BCAP29: variants seen among roughly 807,000 people sequenced by gnomAD.
BCAP29 encodes B cell receptor associated protein 29, also known as B-cell receptor-associated protein 29.
BCAP29 carries 34 observed loss-of-function variants against 31.8 expected under a neutral mutation model. That is an observed-to-expected ratio of 1.07 (90% confidence interval 0.81 to 1.42). BCAP29 has a LOEUF of 1.42. Among genes scored for constraint, BCAP29 ranks in the 40% most tolerant of loss-of-function variants. BCAP29 has a pLI of 0.00. For missense variants in BCAP29, 314 were observed against 269.2 expected (o/e 1.17, Z -1.16); for synonymous variants, 104 against 91.3 (o/e 1.14, Z -0.79).
intron 3 of BCAP29, among the ~76,000 whole-genome samples, chr7:107,585,277 T>C (rs1807439552): frequency 6.6e-6 from 1 of 152,182 alleles, no homozygotes; most frequent in South Asian, 2.1e-4. Flanking sequence ...ATCTCTCAAA[T>C]AGAATCCTCT....
At position 107,613,607 on chromosome 7, in the gene BCAP29, G is replaced by A. The variant is rs1414884293; in HGVS notation, c.690+175G>A. The A allele has an allele frequency of 1.9e-6, 3 of 1,543,364 alleles. No individual in the cohort carries two copies. The African/African-American group carries it at 4.2e-5, about 22-fold the overall frequency. ...GAGGGTAAAGATTAGGACATTGCAG[G>A]AAAATACAAGATAATTTTAAGGAAT... On this transcript the variant is annotated intron_variant, in intron 7 of 7. Transcript: ENST00000005259.
At chr7:107,591,599 T>G (rs968744319) in intron 3 of BCAP29, among the ~76,000 whole-genome samples, 8 of 89,500 alleles carry the variant, frequency 8.9e-5, no homozygotes, top group Admixed American at 3.4e-4. Context: ...TCTCTCTTTC[T>G]CTCTCTGTCT....
At chr7:107,600,928 TAAGGA>T (rs1315117516) in intron 6 of BCAP29, among the ~76,000 whole-genome samples, 4 of 152,214 alleles carry the variant, frequency 2.6e-5, no homozygotes, top group Non-Finnish European at 2.9e-5. Flanking sequence ...CTGTTAGACA[TAAGGA>T]AAGCGTTCCT....
chr7:107,615,174 A>C, intron 7 of BCAP29: 1 of 456,356 alleles, frequency 2.2e-6, no homozygotes, highest in Non-Finnish European at 4.4e-6. Context: ...TTGTGGTAAC[A>C]GCCATTGGTT....
chr7:107,595,042 T>C (rs763099555), intron 4 of BCAP29, among the ~76,000 whole-genome samples: 4 of 152,176 alleles, frequency 2.6e-5, no homozygotes, highest in Non-Finnish European at 5.9e-5. Flanking sequence ...AGTTCTGTGG[T>C]GTACCTAACT....
intron 4 of BCAP29, among the ~76,000 whole-genome samples, chr7:107,594,485 G>A (rs893851198): frequency 1.6e-4 from 20 of 128,088 alleles, no homozygotes; most frequent in Non-Finnish European, 2.5e-4. Context: ...CCAGCCTACT[G>A]TAGTTTTGTT....
At chr7:107,600,664 A>G (rs1356671221) in intron 6 of BCAP29, among the ~76,000 whole-genome samples, 159 bp downstream of exon 6, 1 of 152,234 alleles carries the variant, frequency 6.6e-6, no homozygotes, top group African/African-American at 2.4e-5. Flanking sequence ...AAGATAAAAC[A>G]TTATGTCAGC....
chr7:107,612,421 ATATATATATATATATATATT>A (rs1416896347), intron 6 of BCAP29, among the ~76,000 whole-genome samples: 1 of 40,258 alleles, frequency 2.5e-5, no homozygotes, highest in African/African-American at 5.7e-5. Flanking sequence ...ATATATATAT[ATATATATATATATATATATT>A]TATTTTACTT....
At chr7:107,580,633 C>G in intron 1 of BCAP29, 126 bp from the exon 2 acceptor site, 2 of 645,722 alleles carry the variant, frequency 3.1e-6, no homozygotes. Flanking sequence ...GGGGTCCGTG[C>G]TTGCCTTCCC....
rs568356927 is a variant in BCAP29 at position 107,581,933 on chromosome 7, A to T, written c.92+1069A>T. Among the ~76,000 whole-genome samples, 7 of 152,334 alleles carry T rather than the reference A, an allele frequency of 4.6e-5. No individual in the cohort carries two copies. In the South Asian group the frequency reaches 6.2e-4, roughly 14 times the overall value. ...TTCTATATATCACGTACTGAGACCC[A>T]GGAGGGCAAGTAGCCTACGGTTACC... On this transcript the variant is annotated intron_variant, in intron 2 of 7. Transcript: ENST00000005259.
chr7:107,593,869 G>A (rs1809324085), intron 3 of BCAP29, 86 bp from the exon 4 acceptor site: 3 of 1,347,734 alleles, frequency 2.2e-6, no homozygotes, highest in Non-Finnish European at 2.0e-6. Context: ...TAAAAGTTTG[G>A]TCAGTTTTTC....
intron 6 of BCAP29, among the ~76,000 whole-genome samples, chr7:107,604,172 CTCTCTTCCTGGA>C (rs1209049012): frequency 6.6e-6 from 1 of 152,148 alleles, no homozygotes; most frequent in Admixed American, 6.5e-5. Flanking sequence ...GATAATTCAA[CTCTCTTCCTGGA>C]TAAATGCTTT....
In BCAP29 at chr7:107,600,487, T is replaced by G; in HGVS notation, c.571T>G (p.Leu191Val). Reference protein sequence around the residue: ...VEDQEKLKTELRKTSDALSKA... With the variant: ...VEDQEKLKTEVRKTSDALSKA... Reference sequence around the variant, plus strand: ...AGACCAGGAGAAACTGAAAACTGAATTAAGGAAGACTTCAGATGGTAACTT... The same window carrying G: ...AGACCAGGAGAAACTGAAAACTGAAGTAAGGAAGACTTCAGATGGTAACTT... Residue 191 changes from leucine to valine, a missense_variant, in exon 6 of 8, where the codon TTA becomes GTA. By Grantham distance (32) the Leu-to-Val change is conservative (BLOSUM62 1). Coordinates refer to ENST00000005259, the MANE Select transcript of BCAP29 (RefSeq NM_018844.4). The G allele has an allele frequency of 6.3e-7, 1 of 1,598,750 alleles. No homozygotes were observed.
intron 6 of BCAP29, among the ~76,000 whole-genome samples, chr7:107,605,942 A>G (rs1812007139): frequency 1.3e-5 from 2 of 152,240 alleles, no homozygotes; most frequent in African/African-American, 4.8e-5. Flanking sequence ...ATGTACAACA[A>G]ATGACTTTTT....
intron 3 of BCAP29, among the ~76,000 whole-genome samples, chr7:107,586,276 T>C (rs1049533955): frequency 3.9e-5 from 6 of 152,154 alleles, no homozygotes; most frequent in Admixed American, 1.3e-4. Context: ...CAAGGGTTAA[T>C]TCATCATCTC....
At chr7:107,621,466 G>T (rs1022058467), downstream of BCAP29, 20 of 308,842 alleles carry the variant, frequency 6.5e-5, no homozygotes, top group Middle Eastern at 1.1e-3. Flanking sequence ...ACTGTGGTAG[G>T]CTTAATTATG....
chr7:107,609,555 T>G (rs1270764321), intron 6 of BCAP29, among the ~76,000 whole-genome samples: 1 of 152,176 alleles, frequency 6.6e-6, no homozygotes, highest in Non-Finnish European at 1.5e-5. Flanking sequence ...TAAAAGAGAT[T>G]AGGTGTTGAT....
intron 3 of BCAP29, among the ~76,000 whole-genome samples, chr7:107,584,321 A>T (rs1807235859): frequency 6.6e-6 from 1 of 152,222 alleles, no homozygotes; most frequent in South Asian, 2.1e-4. Context: ...CTAGGCACCC[A>T]GGAGCTTAGC....
rs894348431 is a variant in BCAP29 at position 107,594,043 on chromosome 7, G to C, written c.282G>C (p.Gln94His). The C allele has an allele frequency of 2.0e-5, 33 of 1,613,878 alleles. No homozygotes were observed. The highest frequency in any genetic ancestry group is 1.3e-4 in the South Asian group (12 of 91,068). The change falls in exon 4 of 8, where the codon CAG becomes CAC. Residue 94 changes from glutamine (Q) to histidine (H), a missense_variant. Physicochemically the swap from Gln to His is conservative, Grantham distance 24 (BLOSUM62 0). Transcript: ENST00000005259. The stretch of plus-strand genomic sequence containing the variant: ...GACCTGATGCCTATGAACACACACA[G>C]ATGAAACTTTTTAGGTCTCAAAGAA... ...TSRPDAYEHT[Q>H]MKLFRSQRNL...
Sources: allele counts gnomAD v4.1 joint callset (sites outside exome capture counted in the v4.1 genomes callset), GRCh38; gene constraint gnomAD v4.1.1; transcripts MANE v1.5; gene names NCBI Gene and HGNC (gene_info 2026-07-23, HGNC 2026-07-21).